MDGA2: variants seen among roughly 807,000 people sequenced by gnomAD.
MDGA2 encodes the protein MAM domain containing glycosylphosphatidylinositol anchor 2, also known as MAM domain-containing glycosylphosphatidylinositol anchor protein 2.
MDGA2 carries 40 observed loss-of-function variants against 117.8 expected under a neutral mutation model. That is an observed-to-expected ratio of 0.34 (90% CI 0.26 to 0.44). MDGA2 has a LOEUF of 0.44. Ranked by LOEUF, MDGA2 falls within the 20% of genes least tolerant of loss-of-function variation. MDGA2 has a pLI of 1.00. For synonymous variants in MDGA2, 452 were observed against 439.0 expected, an observed-to-expected ratio of 1.03 and a Z score of -0.37; for missense variants, 1,123 against 1,250.6, an observed-to-expected ratio of 0.90 and a Z score of 1.54.
chr14:47,095,647 TATA>T (rs1250670250), intron 6 of MDGA2, among the ~76,000 whole-genome samples: 1 of 151,954 alleles, frequency 6.6e-6, no homozygotes, highest in Non-Finnish European at 1.5e-5. Flanking sequence ...CATATGTACA[TATA>T]ATAAATATTG....
chr14:47,200,230 A>G (rs1885441808), intron 3 of MDGA2, among the ~76,000 whole-genome samples: 1 of 152,076 alleles, frequency 6.6e-6, no homozygotes, highest in Non-Finnish European at 1.5e-5. Flanking sequence ...CTTAGCACAA[A>G]AAAATCACCA....
At chr14:47,651,688 T>C (rs889214429) in intron 1 of MDGA2, among the ~76,000 whole-genome samples, 1 of 152,114 alleles carries the variant, frequency 6.6e-6, no homozygotes, top group South Asian at 2.1e-4. Flanking sequence ...AAGAGAATAC[T>C]ACATTCGATG....
At chr14:47,117,197 AT>A (rs1380574671) in intron 5 of MDGA2, among the ~76,000 whole-genome samples, 2 of 152,168 alleles carry the variant, frequency 1.3e-5, no homozygotes, top group Non-Finnish European at 2.9e-5. Flanking sequence ...GCAAATCAAA[AT>A]CACAATAAGA....
chr14:47,466,388 A>G (rs1893604287), intron 1 of MDGA2, among the ~76,000 whole-genome samples: 1 of 152,134 alleles, frequency 6.6e-6, no homozygotes, highest in Non-Finnish European at 1.5e-5. Flanking sequence ...GCTGGGATTT[A>G]CATCCTTATT....
chr14:47,200,133 ATG>A (rs1381340211), intron 3 of MDGA2, among the ~76,000 whole-genome samples: 21 of 152,010 alleles, frequency 1.4e-4, no homozygotes, highest in African/African-American at 5.1e-4. Context: ...TGTTGTATAT[ATG>A]TGTTTACATA....
chr14:47,143,834 A>G (rs1446845913), intron 4 of MDGA2, among the ~76,000 whole-genome samples: 1 of 152,186 alleles, frequency 6.6e-6, no homozygotes, highest in Non-Finnish European at 1.5e-5. Context: ...TATAGATTAA[A>G]AAAAAGTTAG....
intron 1 of MDGA2, among the ~76,000 whole-genome samples, chr14:47,599,465 A>G (rs1298685222): frequency 6.6e-6 from 1 of 152,152 alleles, no homozygotes; most frequent in Non-Finnish European, 1.5e-5. Context: ...TATTCTAAGA[A>G]GTAGTAGAAA....
chr14:47,081,386 A>G lies in MDGA2; in HGVS notation c.1195+15468T>C, dbSNP rs1234118951. Among the ~76,000 whole-genome samples, 5 of 152,118 alleles carry G rather than the reference A, an allele frequency of 3.3e-5. No individual in the cohort carries two copies. In the East Asian group the frequency reaches 9.6e-4, roughly 29 times the overall value. The stretch of plus-strand genomic sequence containing the variant: ...TATAAAAATCAAATATTTTCCAATT[A>G]AGTAATATTTTAAATATAATTTCAC... On this transcript the variant is annotated intron_variant, in intron 6 of 16. Transcript: ENST00000399232.
At chr14:46,928,510 T>G (rs1198848906) in intron 9 of MDGA2, among the ~76,000 whole-genome samples, 1 of 151,700 alleles carries the variant, frequency 6.6e-6, no homozygotes, top group Non-Finnish European at 1.5e-5. Context: ...CTCTTATCAC[T>G]TCACACCAAC....
At chr14:47,103,033 A>G (rs192127597) in intron 5 of MDGA2, among the ~76,000 whole-genome samples, 3 of 152,216 alleles carry the variant, frequency 2.0e-5, no homozygotes, top group African/African-American at 7.2e-5. Flanking sequence ...CACCCCTATC[A>G]ATCAAGATAT....
chr14:47,264,033 C>A (rs1223799102), intron 2 of MDGA2, among the ~76,000 whole-genome samples: 1 of 152,058 alleles, frequency 6.6e-6, no homozygotes, highest in African/African-American at 2.4e-5. Flanking sequence ...GAATTTACCC[C>A]ATTACCATTT....
At chr14:46,842,984 A>G (rs1447358071) in intron 16 of MDGA2, among the ~76,000 whole-genome samples, 1 of 152,206 alleles carries the variant, frequency 6.6e-6, no homozygotes, top group Non-Finnish European at 1.5e-5. Context: ...CACAAATGTA[A>G]CAGAAAACTT....
In MDGA2 at chr14:47,399,357, G is replaced by T. The variant is rs181777466; in HGVS notation, c.281-97807C>A. Among the ~76,000 whole-genome samples the T allele has an allele frequency of 4.5e-3, 679 of 152,256 alleles. 3 individuals carry two copies. Among genetic ancestry groups the T allele is most frequent in the African/African-American group, 0.016 (653 of 41,552 alleles). On this transcript the variant is annotated intron_variant, in intron 1 of 16. Coordinates refer to ENST00000399232, the MANE Select transcript of MDGA2 (RefSeq NM_001113498.3). ...AAAGGACCCACAGAAATTGCAAAAT[G>T]GGAAAAGCAGGTACAGAAACTGGAA...
rs368011367 is a variant in MDGA2, at chr14:47,653,941, C to A, written c.280+20576G>T. Among the ~76,000 whole-genome samples, 19 of 152,274 alleles carry A rather than the reference C, an allele frequency of 1.2e-4. No homozygotes were observed. The East Asian group carries it at 2.1e-3, about 17-fold the overall frequency. On this transcript the variant is annotated intron_variant, in intron 1 of 16. Transcript: ENST00000399232. ...TCAAAAAGAAGTGCAGCTTTGCTGACCCCTTGATTTTAGCTCAGTGAGACC... is the reference window on the plus strand; with the variant it reads ...TCAAAAAGAAGTGCAGCTTTGCTGAACCCTTGATTTTAGCTCAGTGAGACC...
intron 15 of MDGA2, among the ~76,000 whole-genome samples, chr14:46,848,866 C>T (rs949753719): frequency 2.6e-5 from 4 of 151,934 alleles, no homozygotes; most frequent in African/African-American, 7.2e-5. Context: ...AAAATCAAAG[C>T]GTCACGTGTC....
At chr14:47,502,077 A>C (rs1165173793) in intron 1 of MDGA2, among the ~76,000 whole-genome samples, 1 of 152,166 alleles carries the variant, frequency 6.6e-6, no homozygotes, top group Non-Finnish European at 1.5e-5. Flanking sequence ...TAATTATGCT[A>C]TATTAATTTA....
chr14:47,531,189 G>A (rs529003456), intron 1 of MDGA2, among the ~76,000 whole-genome samples: 75 of 152,258 alleles, frequency 4.9e-4, no homozygotes, highest in African/African-American at 1.5e-3. Context: ...AGCTTGCAGT[G>A]AGCCAAGATC....
chr14:46,995,146 A>G (rs542502260), intron 8 of MDGA2, among the ~76,000 whole-genome samples: 1 of 152,300 alleles, frequency 6.6e-6, no homozygotes, highest in Non-Finnish European at 1.5e-5. Flanking sequence ...GCATCAAAAA[A>G]CAATTTAAGT....
intron 4 of MDGA2, among the ~76,000 whole-genome samples, chr14:47,132,972 C>T (rs755475748): frequency 6.6e-6 from 1 of 151,746 alleles, no homozygotes; most frequent in Non-Finnish European, 1.5e-5. Context: ...CTTACCCAGA[C>T]ATAGGCACAC....
Sources: gnomAD v4.1 joint callset for allele counts (sites outside exome capture counted in the v4.1 genomes callset) on GRCh38, gnomAD v4.1.1 for gene constraint, MANE v1.5 for transcripts, NCBI Gene and HGNC (gene_info 2026-07-23, HGNC 2026-07-21) for gene names.